The following C1QTNF3 variants were observed in gnomAD, a reference collection of about 807,000 sequenced individuals.
C1QTNF3 encodes the protein C1q and TNF related 3.
In C1QTNF3, 26 loss-of-function variants were observed where a neutral mutation model predicts 32.6. The ratio of observed to expected loss-of-function variants is 0.80; its 90% CI spans 0.58 to 1.11. C1QTNF3 has a LOEUF of 1.11. C1QTNF3 is among the 50% of genes least tolerant of loss of function. The pLI, the probability that C1QTNF3 is intolerant of heterozygous loss-of-function variation, is 0.00. For missense variants in C1QTNF3, 362 were observed against 398.2 expected (o/e 0.91, Z 0.77); for synonymous variants, 155 against 146.0 (o/e 1.06, Z -0.44).
At chr5:34,238,482 A>G in the C1QTNF3 span, among the ~76,000 whole-genome samples, 2 of 152,206 alleles carry the variant, frequency 1.3e-5, no homozygotes, top group African/African-American at 4.8e-5. Context: ...TAAGAATTTT[A>G]TAATACAATA....
At chr5:34,120,756 T>A in the C1QTNF3 span, among the ~76,000 whole-genome samples, 12 of 152,298 alleles carry the variant, frequency 7.9e-5, no homozygotes, top group South Asian at 1.0e-3. Context: ...TTGTGAGGCC[T>A]CCCCAGCCAC....
At chr5:34,110,775 C>G in the C1QTNF3 span, among the ~76,000 whole-genome samples, 2 of 151,938 alleles carry the variant, frequency 1.3e-5, no homozygotes, top group Non-Finnish European at 2.9e-5. Context: ...TCTTGTAATA[C>G]ATTCTCCCTC....
the C1QTNF3 span, among the ~76,000 whole-genome samples, chr5:34,225,657 A>G: frequency 6.6e-6 from 1 of 151,740 alleles, no homozygotes; most frequent in Non-Finnish European, 1.5e-5. Context: ...CTTTACTCAT[A>G]GTCTAAATTT....
chr5:34,130,130 TATACAC>T, the C1QTNF3 span, among the ~76,000 whole-genome samples: 5 of 148,642 alleles, frequency 3.4e-5, no homozygotes, highest in South Asian at 2.1e-4. Context: ...ATTTTATATA[TATACAC>T]ACACACACAC....
chr5:34,033,264 G>C, intron 3 of C1QTNF3, 40 bp downstream of exon 3: 20 of 1,603,402 alleles, frequency 1.2e-5, no homozygotes, highest in Non-Finnish European at 1.7e-5. Context: ...TGGTCAGGCA[G>C]GTTGGAAAGC....
At chr5:34,143,275 G>C in the C1QTNF3 span, among the ~76,000 whole-genome samples, 1 of 152,118 alleles carries the variant, frequency 6.6e-6, no homozygotes, top group African/African-American at 2.4e-5. Context: ...AGAAATATGG[G>C]ATTCTATAAG....
chr5:34,213,786 CATATATAT>C, the C1QTNF3 span, among the ~76,000 whole-genome samples: 7 of 15,452 alleles, frequency 4.5e-4, no homozygotes, highest in African/African-American at 9.1e-4. Flanking sequence ...TGTATATATA[CATATATAT>C]ATATATATAT....
chr5:34,159,925 AATATT>A, the C1QTNF3 span, among the ~76,000 whole-genome samples: 2 of 152,182 alleles, frequency 1.3e-5, no homozygotes, highest in Non-Finnish European at 2.9e-5. Context: ...ATTAAGGAGC[AATATT>A]ATGAGTACAT....
chr5:34,087,825 C>G, the C1QTNF3 span, among the ~76,000 whole-genome samples: 1 of 152,348 alleles, frequency 6.6e-6, no homozygotes. Context: ...CTCAAGCGAT[C>G]TCTCTGCCTT....
At chr5:34,070,970 A>G in the C1QTNF3 span, among the ~76,000 whole-genome samples, 1 of 152,222 alleles carries the variant, frequency 6.6e-6, no homozygotes, top group Non-Finnish European at 1.5e-5. Flanking sequence ...TTTGTCAATA[A>G]GCATTAGCTA....
At chr5:34,112,891 G>A in the C1QTNF3 span, among the ~76,000 whole-genome samples, 16 of 151,892 alleles carry the variant, frequency 1.1e-4, no homozygotes, top group Non-Finnish European at 1.2e-4. Flanking sequence ...TCAGTAATGC[G>A]GGCATAACAC....
At chr5:34,087,931 G>A in the C1QTNF3 span, among the ~76,000 whole-genome samples, 2 of 152,154 alleles carry the variant, frequency 1.3e-5, no homozygotes, top group South Asian at 2.1e-4. Flanking sequence ...CTAGATTCCT[G>A]TAATATGAAA....
chr5:34,127,802 T>C, the C1QTNF3 span, among the ~76,000 whole-genome samples: 66 of 151,758 alleles, frequency 4.3e-4, no homozygotes, highest in African/African-American at 1.6e-3. Flanking sequence ...AAGAGATGGT[T>C]TGAAATTGGA....
the C1QTNF3 span, chr5:34,167,927 A>G: frequency 2.0e-5 from 3 of 151,966 alleles, no homozygotes; most frequent in African/African-American, 7.3e-5. Context: ...GATGGGGGAG[A>G]TGCAAAAGGT....
At chr5:34,203,817 G>C in the C1QTNF3 span, among the ~76,000 whole-genome samples, 1 of 151,446 alleles carries the variant, frequency 6.6e-6, no homozygotes, top group African/African-American at 2.4e-5. Context: ...TAAAGTAAAT[G>C]GGTGAAAAAA....
At chr5:34,136,277 T>A in the C1QTNF3 span, among the ~76,000 whole-genome samples, 1 of 152,246 alleles carries the variant, frequency 6.6e-6, no homozygotes, top group Non-Finnish European at 1.5e-5. Flanking sequence ...ATACAGAATC[T>A]ACAATGAACA....
At chr5:34,177,558 C>A in the C1QTNF3 span, among the ~76,000 whole-genome samples, 3 of 144,322 alleles carry the variant, frequency 2.1e-5, no homozygotes, top group African/African-American at 7.8e-5. Flanking sequence ...ACAATCTCGG[C>A]TCACTGCAAC....
At chr5:34,144,590 T>A in the C1QTNF3 span, among the ~76,000 whole-genome samples, 1 of 152,040 alleles carries the variant, frequency 6.6e-6, no homozygotes, top group Non-Finnish European at 1.5e-5. Flanking sequence ...ACTTTCAGAA[T>A]AGAATGCAAT....
At chr5:34,084,417 G>A in the C1QTNF3 span, among the ~76,000 whole-genome samples, 10 of 151,768 alleles carry the variant, frequency 6.6e-5, no homozygotes, top group East Asian at 9.6e-4. Context: ...AAAGATAAAC[G>A]TATCTCTATC....
Sources: gnomAD v4.1 joint callset for allele counts (sites outside exome capture counted in the v4.1 genomes callset) on GRCh38, gnomAD v4.1.1 for gene constraint, MANE v1.5 for transcripts, NCBI Gene and HGNC (gene_info 2026-07-23, HGNC 2026-07-21) for gene names.